PRKD1: variants seen among roughly 807,000 people sequenced by gnomAD.
PRKD1 encodes protein kinase D1.
PRKD1 carries 63 observed loss-of-function variants against 95.9 expected under a neutral mutation model. The observed-to-expected ratio is 0.66, with a 90% confidence interval of 0.54 to 0.81. The LOEUF (loss-of-function observed/expected upper bound fraction) is 0.81. PRKD1 is among the 30% of genes least tolerant of loss of function. The probability of loss-of-function intolerance (pLI) is 0.00; values close to 1 mark genes in which losing one functional copy is unlikely to be tolerated. For missense variants in PRKD1, 1,048 were observed against 1,165.3 expected, an observed-to-expected ratio of 0.90 and a Z score of 1.47; for synonymous variants, 425 against 423.1, an observed-to-expected ratio of 1.00 and a Z score of -0.05.
chr14:29,794,981 AC>A (rs1267956077), intron 1 of PRKD1, among the ~76,000 whole-genome samples: 1 of 152,050 alleles, frequency 6.6e-6, no homozygotes, highest in Non-Finnish European at 1.5e-5. Flanking sequence ...AGCAGTACAC[AC>A]CCTGGTTTTA....
intron 1 of PRKD1, among the ~76,000 whole-genome samples, chr14:29,826,165 T>C (rs907189517): frequency 2.0e-5 from 3 of 146,450 alleles, no homozygotes; most frequent in African/African-American, 7.6e-5. Context: ...TACACACACA[T>C]ATATATGATG....
At chr14:29,735,219 A>G (rs1368403032) in intron 1 of PRKD1, among the ~76,000 whole-genome samples, 2 of 152,178 alleles carry the variant, frequency 1.3e-5, no homozygotes, top group Non-Finnish European at 2.9e-5. Context: ...GGTAATCTCC[A>G]TAACTGGTAA....
intron 13 of PRKD1, among the ~76,000 whole-genome samples, chr14:29,611,385 G>A (rs947358984): frequency 1.3e-5 from 2 of 151,950 alleles, no homozygotes; most frequent in African/African-American, 2.4e-5. Flanking sequence ...GATGCTCTAA[G>A]CCCATCATCT....
chr14:29,686,258 C>T (rs1475162400), intron 2 of PRKD1, among the ~76,000 whole-genome samples: 1 of 152,024 alleles, frequency 6.6e-6, no homozygotes, highest in Non-Finnish European at 1.5e-5. Flanking sequence ...TTGACGTGCC[C>T]GATTCTGACT....
chr14:29,710,202 C>T (rs778903213), intron 2 of PRKD1, among the ~76,000 whole-genome samples: 156 of 152,248 alleles, frequency 1.0e-3, no homozygotes, highest in Non-Finnish European at 2.0e-3. Context: ...AGACACTCCA[C>T]TCTCCAGAGG....
chr14:29,716,556 A>G (rs1350396678), intron 2 of PRKD1, among the ~76,000 whole-genome samples: 2 of 152,198 alleles, frequency 1.3e-5, no homozygotes, highest in South Asian at 2.1e-4. Flanking sequence ...CCAGAGCCCA[A>G]GGCCATCTCC....
At chr14:29,644,529 CA>C (rs1461231844) in intron 4 of PRKD1, among the ~76,000 whole-genome samples, 1 of 151,182 alleles carries the variant, frequency 6.6e-6, no homozygotes, top group Admixed American at 6.6e-5. Flanking sequence ...TTTAGTTTTT[CA>C]AAAGAAGCAG....
chr14:29,672,820 G>A (rs911617817), intron 2 of PRKD1, among the ~76,000 whole-genome samples: 2 of 151,990 alleles, frequency 1.3e-5, no homozygotes, highest in Non-Finnish European at 2.9e-5. Flanking sequence ...TTCCAGACAA[G>A]CAGGTAACCA....
chr14:29,770,719 C>A (rs1468563598), intron 1 of PRKD1, among the ~76,000 whole-genome samples: 5 of 152,072 alleles, frequency 3.3e-5, no homozygotes, highest in African/African-American at 7.2e-5. Flanking sequence ...GTAATCCCAG[C>A]ACTTTGGGAG....
intron 4 of PRKD1, chr14:29,656,499 A>G: frequency 6.5e-7 from 1 of 1,535,814 alleles, no homozygotes; most frequent in African/African-American, 1.4e-5. Flanking sequence ...CTCACAGGAG[A>G]CTGAAACATG....
intron 16 of PRKD1, among the ~76,000 whole-genome samples, chr14:29,578,563 A>G (rs950412216): frequency 4.0e-5 from 6 of 150,248 alleles, no homozygotes; most frequent in African/African-American, 1.5e-4. Context: ...AAAAAAAAAA[A>G]AAAAAAAAGA....
chr14:29,656,521 G>A, intron 4 of PRKD1: 1 of 1,534,846 alleles, frequency 6.5e-7, no homozygotes, highest in South Asian at 1.2e-5. Flanking sequence ...AGTTGTAAGA[G>A]CAAAAAGCAG....
chr14:29,619,565 A>C (rs528901432), intron 13 of PRKD1, among the ~76,000 whole-genome samples: 64 of 152,290 alleles, frequency 4.2e-4, no homozygotes, highest in Admixed American at 1.5e-3. Flanking sequence ...GGTGAGAGGA[A>C]CTTGCAACAA....
chr14:29,924,187 G>T (rs1486306263), intron 1 of PRKD1, among the ~76,000 whole-genome samples: 1 of 152,048 alleles, frequency 6.6e-6, no homozygotes, highest in African/African-American at 2.4e-5. Context: ...GCCATACATT[G>T]TTACATACAA....
chr14:29,581,120 T>A (rs1258334274), intron 16 of PRKD1, among the ~76,000 whole-genome samples: 2 of 152,170 alleles, frequency 1.3e-5, no homozygotes, highest in Non-Finnish European at 2.9e-5. Flanking sequence ...GAAAACTTTA[T>A]TCTATATGAC....
chr14:29,916,166 G>A (rs1253334538), intron 1 of PRKD1, among the ~76,000 whole-genome samples: 1 of 152,074 alleles, frequency 6.6e-6, no homozygotes. Context: ...ATGACCCAAG[G>A]CTCCTGGGAT....
chr14:29,641,486 T>C (rs1450890189), intron 4 of PRKD1, among the ~76,000 whole-genome samples: 1 of 152,176 alleles, frequency 6.6e-6, no homozygotes, highest in Non-Finnish European at 1.5e-5. Context: ...GGAAGGAGAC[T>C]GTTTGAGTTG....
intron 16 of PRKD1, among the ~76,000 whole-genome samples, chr14:29,578,568 AAAAG>A (rs1892647476): frequency 1.3e-5 from 2 of 149,142 alleles, no homozygotes; most frequent in Admixed American, 6.7e-5. Context: ...AAAAAAAAAA[AAAAG>A]AAGAAGTTGG....
intron 1 of PRKD1, among the ~76,000 whole-genome samples, chr14:29,822,002 CCTGTAAT>C (rs1890932315): frequency 6.6e-6 from 1 of 152,110 alleles, no homozygotes; most frequent in South Asian, 2.1e-4. Context: ...GACCGTGATA[CCTGTAAT>C]CAGTAACTCA....
Sources: allele counts gnomAD v4.1 joint callset (sites outside exome capture counted in the v4.1 genomes callset), GRCh38; gene constraint gnomAD v4.1.1; transcripts MANE v1.5; gene names NCBI Gene and HGNC (gene_info 2026-07-23, HGNC 2026-07-21).